The following TPRG1 variants were observed in gnomAD, a reference collection of about 807,000 sequenced individuals.
The protein encoded by TPRG1 is tumor protein p63 regulated 1, also known as tumor protein p63-regulated gene 1 protein.
A neutral mutation model predicts 29.3 loss-of-function variants in TPRG1; 29 were observed. That is an observed-to-expected ratio of 0.99 (90% CI 0.74 to 1.35). The LOEUF (loss-of-function observed/expected upper bound fraction) is 1.35. Ranked by LOEUF, TPRG1 falls within the 40% of genes most tolerant of loss-of-function variation. TPRG1 has a pLI of 0.00. For missense variants in TPRG1, 327 were observed against 335.0 expected (o/e 0.98, Z 0.19); for synonymous variants, 130 against 116.8 (o/e 1.11, Z -0.73).
chr3:189,065,053 TTGGCGCACAGCTACTCAAGA>T (rs1212420046), intron 4 of TPRG1, among the ~76,000 whole-genome samples: 4 of 152,158 alleles, frequency 2.6e-5, no homozygotes, highest in African/African-American at 9.6e-5. Flanking sequence ...GCTGTATGTG[TTGGCGCACAGCTACTCAAGA>T]GGTTGAAACA....
intron 5 of TPRG1, among the ~76,000 whole-genome samples, chr3:189,312,081 G>GTTTGTTTCTTTCTTTCTTTC (rs1483160195): frequency 8.3e-6 from 1 of 120,042 alleles, no homozygotes; most frequent in Non-Finnish European, 1.7e-5. Context: ...AACACTTTAT[G>GTTTGTTTCTTTCTTTCTTTC]TTTCTTTCTT....
intron 3 of TPRG1, among the ~76,000 whole-genome samples, chr3:189,217,523 T>C (rs983644561): frequency 6.6e-6 from 1 of 152,224 alleles, no homozygotes; most frequent in African/African-American, 2.4e-5. Context: ...GTGTTCTTTT[T>C]GGTCTTCTCT....
chr3:188,999,753 T>C (rs139822635), intron 1 of TPRG1, among the ~76,000 whole-genome samples: 6 of 152,284 alleles, frequency 3.9e-5, no homozygotes, highest in South Asian at 2.1e-4. Flanking sequence ...ATTTATATAA[T>C]AGGTCTCCCC....
chr3:189,202,037 C>G (rs1414074659), intron 1 of TPRG1, among the ~76,000 whole-genome samples: 1 of 152,174 alleles, frequency 6.6e-6, no homozygotes. Flanking sequence ...GTTCTGGCAA[C>G]TAAGTGTGGC....
At chr3:189,261,604 C>T (rs1713064502) in intron 4 of TPRG1, among the ~76,000 whole-genome samples, 1 of 152,124 alleles carries the variant, frequency 6.6e-6, no homozygotes. Context: ...ATAGCCTCTG[C>T]CACCAAGATG....
At chr3:189,179,071 G>T (rs1239707692) in intron 1 of TPRG1, among the ~76,000 whole-genome samples, 1 of 152,136 alleles carries the variant, frequency 6.6e-6, no homozygotes, top group African/African-American at 2.4e-5. Context: ...TCATAGACTG[G>T]TTCTCACATT....
chr3:189,251,503 A>G (rs1457227987), intron 4 of TPRG1, among the ~76,000 whole-genome samples: 1 of 152,150 alleles, frequency 6.6e-6, no homozygotes. Context: ...AGCGTTCAGC[A>G]TACGGAGGAT....
At chr3:189,124,674 G>A (rs890022633) in intron 1 of TPRG1, among the ~76,000 whole-genome samples, 3 of 151,996 alleles carry the variant, frequency 2.0e-5, no homozygotes, top group Non-Finnish European at 4.4e-5. Context: ...TCCACTTTAT[G>A]TATGAGGAAA....
intron 5 of TPRG1, among the ~76,000 whole-genome samples, chr3:189,311,605 G>A (rs1278243868): frequency 6.6e-6 from 1 of 152,042 alleles, no homozygotes; most frequent in Non-Finnish European, 1.5e-5. Flanking sequence ...AAATGACCTC[G>A]AATCACATTA....
chr3:189,023,402 T>G (rs1713478938), intron 3 of TPRG1, among the ~76,000 whole-genome samples: 1 of 152,254 alleles, frequency 6.6e-6, no homozygotes, highest in Non-Finnish European at 1.5e-5. Flanking sequence ...TTCTGCATTG[T>G]TTTATCATGA....
At chr3:189,006,846 T>C (rs551681587) in intron 3 of TPRG1, among the ~76,000 whole-genome samples, 1 of 152,276 alleles carries the variant, frequency 6.6e-6, no homozygotes, top group African/African-American at 2.4e-5. Context: ...CATTTTTGAA[T>C]GTATTTTCTA....
chr3:189,152,025 T>G (rs1339695915), intron 5 of TPRG1, among the ~76,000 whole-genome samples: 1 of 152,162 alleles, frequency 6.6e-6, no homozygotes, highest in Non-Finnish European at 1.5e-5. Flanking sequence ...GAACCTGGAA[T>G]AGGAGTATGG....
At chr3:189,206,011 A>ATTTCCTTCCTTC (rs1396635724) in intron 1 of TPRG1, among the ~76,000 whole-genome samples, 11 of 61,188 alleles carry the variant, frequency 1.8e-4, no homozygotes, top group African/African-American at 9.5e-4. Flanking sequence ...ATGCAGGTAC[A>ATTTCCTTCCTTC]TTTCCTTCCT....
chr3:189,175,936 C>T (rs1332436867), intron 1 of TPRG1, among the ~76,000 whole-genome samples: 1 of 152,160 alleles, frequency 6.6e-6, no homozygotes, highest in Non-Finnish European at 1.5e-5. Flanking sequence ...GTCTGGGAAG[C>T]AGTCACTCTA....
intron 4 of TPRG1, among the ~76,000 whole-genome samples, chr3:189,246,880 T>C (rs914023572): frequency 3.9e-5 from 6 of 152,170 alleles, no homozygotes; most frequent in Non-Finnish European, 7.4e-5. Context: ...TATTCCTCTT[T>C]ATGTTCTCTG....
At chr3:189,182,819 A>T (rs968772140) in intron 1 of TPRG1, among the ~76,000 whole-genome samples, 1 of 152,332 alleles carries the variant, frequency 6.6e-6, no homozygotes, top group South Asian at 2.1e-4. Flanking sequence ...ATAATTGACA[A>T]ATAATAATTA....
chr3:189,218,199 G>A (rs1325097550), intron 3 of TPRG1, among the ~76,000 whole-genome samples: 1 of 151,928 alleles, frequency 6.6e-6, no homozygotes, highest in Non-Finnish European at 1.5e-5. Context: ...TGCAAGCTCT[G>A]CCTCCCGGGG....
rs11293749 is a variant in TPRG1, at chr3:189,164,629, C to CT, written c.-10+13765dup. Among the ~76,000 whole-genome samples the CT allele has an allele frequency of 7.3e-5, 11 of 150,764 alleles. No homozygotes were observed. In the South Asian group the frequency reaches 1.3e-3, roughly 17 times the overall value. On this transcript the variant is annotated intron_variant, in intron 5 of 6. Coordinates refer to the TPRG1 transcript ENST00000412373. ...GCTAAAAAAAAAAATAAAAGCTTCC[C>CT]TTTTTTTTAAAAAAAAAAGGTATCT...
chr3:189,302,394 G>T (rs935384652), intron 4 of TPRG1, among the ~76,000 whole-genome samples: 2 of 152,130 alleles, frequency 1.3e-5, no homozygotes, highest in Non-Finnish European at 2.9e-5. Context: ...TTTCTATGAA[G>T]GATTTACTTA....
Sources: allele counts gnomAD v4.1 joint callset (sites outside exome capture counted in the v4.1 genomes callset), GRCh38; gene constraint gnomAD v4.1.1; transcripts MANE v1.5; gene names NCBI Gene and HGNC (gene_info 2026-07-23, HGNC 2026-07-21).